Variants in MYO1A observed in about 807,000 individuals in gnomAD.
MYO1A encodes the protein myosin IA, also known as unconventional myosin-Ia.
MYO1A carries 127 observed loss-of-function variants against 138.5 expected under a neutral mutation model. The observed-to-expected ratio is 0.92, with a 90% CI of 0.79 to 1.06. The LOEUF (loss-of-function observed/expected upper bound fraction) is 1.06. Ranked by LOEUF, MYO1A falls within the 50% of genes least tolerant of loss-of-function variation. MYO1A has a pLI of 0.00. For missense variants in MYO1A, 1,211 were observed against 1,288.8 expected (o/e 0.94, Z 0.92); for synonymous variants, 477 against 497.5 (o/e 0.96, Z 0.55).
At chr12:57,029,983 C>G in intron 24 of MYO1A, 111 bp from the exon 25 acceptor site, 1 of 1,535,950 alleles carries the variant, frequency 6.5e-7, no homozygotes, top group Non-Finnish European at 9.0e-7. Context: ...CACGTATCCT[C>G]TGTCAGTGTC....
At position 57,030,359 on chromosome 12, in the gene MYO1A, G is replaced by A. The variant is rs1420165539; in HGVS notation, c.2485-43C>T. 4 of 1,453,778 alleles carry A rather than the reference G, an allele frequency of 2.8e-6. No homozygotes were observed. The South Asian group carries it at 4.6e-5, about 17-fold the overall frequency. The allele number at this position is 1,453,778 out of a possible 1,614,324, so 90.1% of individuals were successfully genotyped here. A position where few individuals can be genotyped will look rare whatever the true frequency, so the allele number is the denominator to read the frequency against. On this transcript the variant is annotated intron_variant, in intron 23 of 27. Coordinates refer to ENST00000300119, the MANE Select transcript of MYO1A (RefSeq NM_005379.4). ...CAGGAGCTAAAATCATAGAGTGGGA[G>A]GGCAGGGCTGGGGAGGGAGGTGAGA...
At chr12:57,046,131 C>G (rs886570846) in intron 8 of MYO1A, among the ~76,000 whole-genome samples, 1 of 152,200 alleles carries the variant, frequency 6.6e-6, no homozygotes, top group African/African-American at 2.4e-5. Context: ...ACAGCTTCAA[C>G]TAGAGTTCAC....
intron 10 of MYO1A, 30 bp downstream of exon 10, chr12:57,043,826 G>A: frequency 2.5e-6 from 4 of 1,613,854 alleles, no homozygotes; most frequent in Non-Finnish European, 3.4e-6. Flanking sequence ...CAGGGTCTGG[G>A]TAGGAGCTCC....
Position 57,043,061 on chromosome 12 carries a change from C to T in MYO1A, c.1098+11G>A, listed in dbSNP as rs201511634. 3.7e-6 allele frequency: 6 copies of T among 1,613,742 alleles called. No individual in the cohort carries two copies. The highest frequency in any genetic ancestry group is 2.2e-5 in the South Asian group (2 of 91,064). On this transcript the variant is annotated intron_variant, in intron 12 of 27. Transcript: ENST00000300119. Reference sequence around the variant, plus strand: ...ACAGGAGAGCATGGAGAAAGCAGAGCGGCCACTTGCCTTGATGCTCTCATT... The same window carrying T: ...ACAGGAGAGCATGGAGAAAGCAGAGTGGCCACTTGCCTTGATGCTCTCATT...
intron 24 of MYO1A, 118 bp from the exon 25 acceptor site, chr12:57,029,990 T>G: frequency 6.6e-7 from 1 of 1,516,524 alleles, no homozygotes; most frequent in Non-Finnish European, 9.1e-7. Context: ...CCTCTGTCAG[T>G]GTCCACAGAG....
At position 57,028,760 on chromosome 12, in the gene MYO1A, GCA is replaced by G. The variant is rs2030100570; in HGVS notation, c.3125_3126del (p.Val1042AlafsTer16). On this transcript the variant is annotated frameshift_variant, in exon 28 of 28. Transcript: ENST00000300119. LOFTEE classifies it high-confidence loss of function. ...CTCTGCATGGTGCCCCCTCCTCACT[GCA>G]CAGTCACCTCCAAGCAATGACTCCC... ...KKGSHCLEVTVQ is the reference protein window; with the variant it reads ...KKGSHCLEVTXQ The G allele has an allele frequency of 3.1e-6, 5 of 1,613,954 alleles. No individual in the cohort carries two copies. Among genetic ancestry groups the G allele is most frequent in the Non-Finnish European group, 3.4e-6 (4 of 1,179,930 alleles).
In MYO1A at chr12:57,047,726, T is replaced by C; in HGVS notation, c.231-5A>G. ...GCCACATTTGCCAATGCGTAGCTTG[T>C]GGGGAGGAAGTGGGCAATGACTATT... is the stretch of plus-strand genomic sequence containing the variant. On this transcript the variant is annotated splice_polypyrimidine_tract_variant and splice_region_variant and intron_variant, in intron 3 of 27. Coordinates refer to ENST00000300119, the MANE Select transcript of MYO1A (RefSeq NM_005379.4). The C allele has an allele frequency of 6.2e-7, 1 of 1,614,048 alleles. No homozygotes were observed. The highest frequency in any genetic ancestry group is 1.7e-4 in the Middle Eastern group (1 of 6,060).
At chr12:57,042,935 A>G (rs2030921615) in intron 12 of MYO1A, 137 bp downstream of exon 12, 1 of 793,822 alleles carries the variant, frequency 1.3e-6, no homozygotes, top group Non-Finnish European at 2.2e-6. Flanking sequence ...CCATGACAAC[A>G]CACTGTTAGA....
Position 57,028,682 on chromosome 12 carries a change from A to T in MYO1A, c.*73T>A. On this transcript the variant is annotated 3_prime_UTR_variant, in exon 28 of 28. Coordinates refer to ENST00000300119, the MANE Select transcript of MYO1A (RefSeq NM_005379.4). ...GATCAGAGGGGTTAGAGATCCTCCC[A>T]CACAGGAGGGCAGAGGGGGATTAGT... The T allele has an allele frequency of 6.3e-6, 10 of 1,585,846 alleles. No individual in the cohort carries two copies. Among genetic ancestry groups the T allele is most frequent in the Non-Finnish European group, 8.6e-6 (10 of 1,160,326 alleles).
intron 8 of MYO1A, among the ~76,000 whole-genome samples, chr12:57,045,435 T>C (rs1177726376): frequency 6.6e-6 from 1 of 152,040 alleles, no homozygotes; most frequent in Non-Finnish European, 1.5e-5. Flanking sequence ...AGTCAGAATG[T>C]CTGGGGATGA....
At chr12:57,036,707 T>C (rs1369222263) in intron 21 of MYO1A, 65 bp downstream of exon 21, 3 of 1,577,904 alleles carry the variant, frequency 1.9e-6, no homozygotes, top group Non-Finnish European at 2.6e-6. Context: ...TCTGCTGCTC[T>C]AGCCAGCAGG....
rs767077536 is a variant in MYO1A, at chr12:57,048,321, CATGT to C, written c.-2_2del. On this transcript the variant is annotated start_lost and 5_prime_UTR_variant, in exon 2 of 28. Transcript: ENST00000300119. Reference sequence around the variant, plus strand: ...CCCCCACAGAACCTTCCAGGAGAGGCATGTCCAGAGGGGCCACTGATCCTGGGAA... The same window carrying C: ...CCCCCACAGAACCTTCCAGGAGAGGCCCAGAGGGGCCACTGATCCTGGGAA... The C allele has an allele frequency of 1.2e-6, 2 of 1,612,350 alleles. No homozygotes were observed. The highest frequency in any genetic ancestry group is 3.3e-5 in the Admixed American group (2 of 60,022).
intron 14 of MYO1A, 125 bp from the exon 15 acceptor site, chr12:57,039,399 C>G (rs990578194): frequency 3.9e-6 from 3 of 775,418 alleles, no homozygotes; most frequent in Non-Finnish European, 6.9e-6. Context: ...CACAGGGGTC[C>G]TTGGTATGAT....
intron 18 of MYO1A, 25 bp from the exon 19 acceptor site, chr12:57,037,666 T>C (rs1341378129): frequency 1.0e-5 from 16 of 1,605,218 alleles, no homozygotes; most frequent in Non-Finnish European, 1.3e-5. Flanking sequence ...GACAGAAAGC[T>C]GCAGAGGGGT....
At chr12:57,030,149 G>A (rs1353697531) in intron 24 of MYO1A, 61 bp downstream of exon 24, 9 of 1,444,564 alleles carry the variant, frequency 6.2e-6, no homozygotes, top group Admixed American at 1.7e-5. Flanking sequence ...TCTAAGGCAC[G>A]CTCAAGTTTG....
rs564081842 is a variant in MYO1A at position 57,049,173 on chromosome 12, C to G, written c.-21+714G>C. Among the ~76,000 whole-genome samples, 6 of 152,342 alleles carry G rather than the reference C, an allele frequency of 3.9e-5. No homozygotes were observed. In the East Asian group the frequency reaches 9.6e-4, roughly 24 times the overall value. ...TTGCGGGAGTGGGCAAGGAGGAGCA[C>G]AGTTGGAACTACAGGGAGGGTGGTG... On this transcript the variant is annotated intron_variant, in intron 1 of 27. Transcript: ENST00000300119.
chr12:57,045,068 T>C (rs1456274891), intron 8 of MYO1A, among the ~76,000 whole-genome samples: 1 of 152,198 alleles, frequency 6.6e-6, no homozygotes, highest in East Asian at 1.9e-4. Flanking sequence ...CATTCCCCAC[T>C]GGTGAATCTA....
intron 22 of MYO1A, among the ~76,000 whole-genome samples, chr12:57,031,673 C>A (rs943657274): frequency 1.3e-5 from 2 of 152,138 alleles, no homozygotes; most frequent in African/African-American, 4.8e-5. Context: ...TTCAGGGAGA[C>A]AATGAAGAGG....
intron 24 of MYO1A, 128 bp from the exon 25 acceptor site, chr12:57,030,000 GCACA>G: frequency 6.7e-7 from 1 of 1,494,056 alleles, no homozygotes; most frequent in Non-Finnish European, 9.2e-7. Flanking sequence ...TGTCCACAGA[GCACA>G]GTCCAGGACC....
Sources: gnomAD v4.1 joint callset for allele counts (sites outside exome capture counted in the v4.1 genomes callset) on GRCh38, gnomAD v4.1.1 for gene constraint, MANE v1.5 for transcripts, NCBI Gene and HGNC (gene_info 2026-07-23, HGNC 2026-07-21) for gene names.